Variants in ESR1 observed in about 807,000 individuals in gnomAD.
ESR1 encodes estrogen receptor.
In ESR1, 12 loss-of-function variants were observed where a neutral mutation model predicts 52.7. That is an observed-to-expected ratio of 0.23 (90% CI 0.15 to 0.37). The LOEUF (loss-of-function observed/expected upper bound fraction) is 0.37. Ranked by LOEUF, ESR1 falls within the 10% of genes least tolerant of loss-of-function variation. The pLI, the probability that ESR1 is intolerant of heterozygous loss-of-function variation, is 1.00. For synonymous variants in ESR1, 305 were observed against 316.8 expected, an observed-to-expected ratio of 0.96 and a Z score of 0.39; for missense variants, 584 against 779.7, an observed-to-expected ratio of 0.75 and a Z score of 2.99.
At chr6:151,946,436 A>C (rs2035711861) in intron 4 of ESR1, among the ~76,000 whole-genome samples, 1 of 152,222 alleles carries the variant, frequency 6.6e-6, no homozygotes, top group Admixed American at 6.5e-5. Flanking sequence ...ATTCACATCA[A>C]TAATCTTCTG....
At chr6:151,885,961 G>T (rs1000264844) in intron 3 of ESR1, among the ~76,000 whole-genome samples, 1 of 152,172 alleles carries the variant, frequency 6.6e-6, no homozygotes, top group South Asian at 2.1e-4. Context: ...TGCCACACAA[G>T]TGTTAGCTAT....
At chr6:151,810,420 C>T (rs1778627171) in intron 1 of ESR1, among the ~76,000 whole-genome samples, 1 of 152,170 alleles carries the variant, frequency 6.6e-6, no homozygotes, top group Non-Finnish European at 1.5e-5. Flanking sequence ...GGAAAAGAAG[C>T]ATCTATGCAA....
At chr6:151,874,574 G>A (rs1392326401) in intron 2 of ESR1, among the ~76,000 whole-genome samples, 1 of 152,174 alleles carries the variant, frequency 6.6e-6, no homozygotes, top group African/African-American at 2.4e-5. Flanking sequence ...TGTAGGCTAT[G>A]ATGGAAGCAA....
Position 152,099,202 on chromosome 6 carries a change from C to G in ESR1, c.*236C>G. On this transcript the variant is annotated 3_prime_UTR_variant, in exon 8 of 8. Transcript: ENST00000206249. ...TAAATCTTTGTAACAGCTCTCTTTC[C>G]CCCTTGCTATGTTACTAAGCGTGAG... 1 of 570,368 alleles carries G rather than the reference C, an allele frequency of 1.8e-6. No individual in the cohort carries two copies. The highest frequency in any genetic ancestry group is 1.9e-5 in the South Asian group (1 of 51,312). The allele number at this position is 570,368 out of a possible 1,614,324, so 35.3% of individuals were successfully genotyped here.
chr6:152,027,167 T>C (rs1031321655), intron 5 of ESR1, among the ~76,000 whole-genome samples: 12 of 152,152 alleles, frequency 7.9e-5, no homozygotes, highest in Non-Finnish European at 1.8e-4. Flanking sequence ...GGTTTCCCCA[T>C]GTTGGCCAGG....
At chr6:152,089,545 T>C (rs1440903090) in intron 6 of ESR1, among the ~76,000 whole-genome samples, 3 of 152,236 alleles carry the variant, frequency 2.0e-5, no homozygotes, top group African/African-American at 7.2e-5. Context: ...ACACTGGACC[T>C]TTTGGGCACA....
chr6:151,952,654 A>G (rs2036452694), intron 4 of ESR1, among the ~76,000 whole-genome samples: 1 of 152,236 alleles, frequency 6.6e-6, no homozygotes, highest in Non-Finnish European at 1.5e-5. Context: ...GGTCTAAGAC[A>G]CAATAATAAC....
chr6:151,885,849 T>C (rs867310678), intron 3 of ESR1, among the ~76,000 whole-genome samples: 3 of 152,224 alleles, frequency 2.0e-5, no homozygotes, highest in African/African-American at 7.2e-5. Context: ...AGTGAGACTC[T>C]GTCTCAAAAA....
chr6:151,790,582 G>C (rs1288434878), intron 2 of ESR1, among the ~76,000 whole-genome samples: 1 of 146,696 alleles, frequency 6.8e-6, no homozygotes, highest in East Asian at 1.9e-4. Flanking sequence ...GCTTCTTGCT[G>C]CTTTTTTTTT....
intron 6 of ESR1, among the ~76,000 whole-genome samples, chr6:152,079,556 A>G (rs1202053687): frequency 6.6e-6 from 1 of 152,248 alleles, no homozygotes; most frequent in African/African-American, 2.4e-5. Flanking sequence ...AAAAGTGGAA[A>G]ATTCCAAAAA....
At chr6:151,685,107 CTTTTTTTTTTTTTTTTTTTTTTTTT>C (rs772122906) in intron 1 of ESR1, among the ~76,000 whole-genome samples, 1 of 72,950 alleles carries the variant, frequency 1.4e-5, no homozygotes, top group South Asian at 5.2e-4. Context: ...ACACTGGCCT[CTTTTTTTTTTTTTTTTTTTTTTTTT>C]TTTTTTTTTT....
chr6:152,011,678 T>G lies in ESR1; in HGVS notation c.1119T>G (p.His373Gln), dbSNP rs1486153215. Residue 373 changes from histidine (H) to glutamine (Q), a missense_variant, in exon 5 of 8, where the codon CAT becomes CAG. Physicochemically the swap from His to Gln is conservative, Grantham distance 24 (BLOSUM62 0). Around this residue, in one of 6 missense-constraint regions of ESR1, gnomAD observed 141 missense variants for 289.3 expected, o/e 0.49. Coordinates refer to ENST00000206249, the MANE Select transcript of ESR1 (RefSeq NM_000125.4). ...CAGGCTTTGTGGATTTGACCCTCCA[T>G]GATCAGGTCCACCTTCTAGAATGTG... ...RVPGFVDLTL[H>Q]DQVHLLECAW... 6.2e-7 allele frequency: 1 copy of G among 1,613,268 alleles called. No individual in the cohort carries two copies. Among genetic ancestry groups the G allele is most frequent in the South Asian group, 1.1e-5 (1 of 91,064 alleles).
chr6:152,031,666 A>G (rs2044719280), intron 5 of ESR1, among the ~76,000 whole-genome samples: 1 of 152,204 alleles, frequency 6.6e-6, no homozygotes, highest in African/African-American at 2.4e-5. Flanking sequence ...CAATCAAAAA[A>G]AAGTCCAGGA....
At chr6:152,110,848 C>T (rs2051124050) in intron 6 of ESR1, among the ~76,000 whole-genome samples, 1 of 152,038 alleles carries the variant, frequency 6.6e-6, no homozygotes, top group Admixed American at 6.5e-5. Flanking sequence ...GAAATGTGTC[C>T]CGGTTGTCTT....
At chr6:152,074,828 T>C (rs7766549) in intron 6 of ESR1, among the ~76,000 whole-genome samples, 34,718 of 152,114 alleles carry the variant, frequency 0.23, 5,847 homozygotes, top group African/African-American at 0.47. Flanking sequence ...ATTCGCATTT[T>C]TTGGATAATA....
intron 5 of ESR1, among the ~76,000 whole-genome samples, chr6:152,036,792 A>T (rs3020432): frequency 6.6e-6 from 1 of 151,980 alleles, no homozygotes; most frequent in Non-Finnish European, 1.5e-5. Context: ...TAAAGTGTGG[A>T]TGGAAGACAA....
chr6:151,985,507 C>CA lies in ESR1; in HGVS notation c.1097-26123dup, dbSNP rs560626079. ...GGGGCAACAGAGTGAGACTCTGTCT[C>CA]AAAAAAAAAAAAAAAAAAAAAAAAA... On this transcript the variant is annotated intron_variant, in intron 4 of 7. Transcript: ENST00000206249. Among the ~76,000 whole-genome samples the CA allele has an allele frequency of 5.3e-3, 270 of 51,346 alleles. 19 individuals are homozygous for CA. The highest frequency in any genetic ancestry group is 0.019 in the African/African-American group (162 of 8,434). 33.7% of individuals were successfully genotyped at this position (51,346 alleles called of 152,430 possible).
intron 4 of ESR1, among the ~76,000 whole-genome samples, chr6:151,978,482 A>T (rs1490819795): frequency 6.6e-6 from 1 of 152,214 alleles, no homozygotes; most frequent in Non-Finnish European, 1.5e-5. Context: ...AGAATCTTCC[A>T]GAAGTATTGA....
At chr6:151,701,903 C>A (rs1779823189) in exon 2 of ESR1, 1 of 152,174 alleles carries the variant, frequency 6.6e-6, no homozygotes, top group Non-Finnish European at 1.5e-5. Flanking sequence ...GGAGTAAGCA[C>A]AAAGATCTCT....
Sources: allele counts gnomAD v4.1 joint callset (sites outside exome capture counted in the v4.1 genomes callset), GRCh38; gene constraint gnomAD v4.1.1; regional missense constraint gnomAD v4.1.1; transcripts MANE v1.5; gene names NCBI Gene and HGNC (gene_info 2026-07-23, HGNC 2026-07-21).